The following SLC10A7 variants were observed in gnomAD, a reference collection of about 807,000 sequenced individuals.
SLC10A7 encodes the protein solute carrier family 10 member 7.
SLC10A7 carries 29 observed loss-of-function variants against 43.2 expected under a neutral mutation model. The ratio of observed to expected loss-of-function variants is 0.67; its 90% confidence interval spans 0.50 to 0.92. The LOEUF is 0.92. SLC10A7 is among the 40% of genes least tolerant of loss of function. SLC10A7 has a pLI of 0.00. For synonymous variants in SLC10A7, 152 were observed against 144.8 expected (o/e 1.05, Z -0.35); for missense variants, 295 against 403.2 (o/e 0.73, Z 2.30).
At chr4:146,463,416 T>C (rs1463111399) in intron 4 of SLC10A7, among the ~76,000 whole-genome samples, 1 of 152,138 alleles carries the variant, frequency 6.6e-6, no homozygotes, top group Admixed American at 6.6e-5. Flanking sequence ...CAAATGTCCA[T>C]ACGTGCCCCT....
At chr4:146,270,603 C>T (rs983947459) in intron 10 of SLC10A7, among the ~76,000 whole-genome samples, 9 of 152,128 alleles carry the variant, frequency 5.9e-5, no homozygotes, top group Admixed American at 2.0e-4. Context: ...ATCACTAGTA[C>T]GGCACAGCTC....
chr4:146,323,299 A>T (rs1208815214), intron 6 of SLC10A7, among the ~76,000 whole-genome samples: 3 of 152,200 alleles, frequency 2.0e-5, no homozygotes, highest in Admixed American at 2.0e-4. Flanking sequence ...GTCCTTGCCC[A>T]TGCCTATGTT....
intron 5 of SLC10A7, among the ~76,000 whole-genome samples, chr4:146,335,251 T>TAAAAAAAAAAAA (rs34522588): frequency 1.1e-5 from 1 of 92,640 alleles, no homozygotes; most frequent in South Asian, 4.3e-4. Context: ...ACAGATGTTG[T>TAAAAAAAAAAAA]AAAAAAAAAA....
intron 5 of SLC10A7, among the ~76,000 whole-genome samples, chr4:146,403,327 A>T (rs932345362): frequency 4.6e-5 from 7 of 152,202 alleles, no homozygotes; most frequent in Non-Finnish European, 1.5e-5. Flanking sequence ...TGATGAAAAC[A>T]GTATAAATCC....
At chr4:146,354,572 C>T (rs1735420120) in intron 5 of SLC10A7, among the ~76,000 whole-genome samples, 1 of 148,134 alleles carries the variant, frequency 6.8e-6, no homozygotes. Context: ...AAAGAGCCCG[C>T]ATCGCCAAGT....
intron 4 of SLC10A7, among the ~76,000 whole-genome samples, chr4:146,468,336 C>T (rs1484214446): frequency 2.0e-5 from 3 of 151,916 alleles, no homozygotes; most frequent in Admixed American, 2.0e-4. Flanking sequence ...AATCCAGAAA[C>T]AGAGATATAA....
At chr4:146,413,447 C>T (rs2679161) in intron 5 of SLC10A7, among the ~76,000 whole-genome samples, 39,659 of 151,862 alleles carry the variant, frequency 0.26, 5,903 homozygotes, top group African/African-American at 0.41. Context: ...AAGGGACCTA[C>T]CAACATAGAC....
Position 146,510,403 on chromosome 4 carries a change from G to C in SLC10A7, c.184-354C>G, listed in dbSNP as rs202014584. On this transcript the variant is annotated intron_variant, in intron 2 of 11. Transcript: ENST00000335472. ...GCCTCCTGAGTAGTTTGGACTACAG[G>C]TGCCTGCCACCACCATGCCCTCCTA... 3.9e-5 allele frequency among the ~76,000 whole-genome samples: 6 copies of C among 152,078 alleles called. No homozygotes were observed. The East Asian group carries it at 9.7e-4, about 25-fold the overall frequency.
rs145423488 is a variant in SLC10A7, at chr4:146,419,039, G to A, written c.435+23744C>T. On this transcript the variant is annotated intron_variant, in intron 5 of 11. Coordinates refer to ENST00000335472, the MANE Select transcript of SLC10A7 (RefSeq NM_001029998.6). ...AGATATGCATAAGGCAAGGCATGTG[G>A]GAAGGGGCACGGAGCTTCCATGCCC... Among the ~76,000 whole-genome samples the A allele has an allele frequency of 3.9e-5, 6 of 152,364 alleles. No homozygotes were observed. In the East Asian group the frequency reaches 1.2e-3, roughly 29 times the overall value.
At chr4:146,329,148 G>A (rs1733360404) in intron 5 of SLC10A7, among the ~76,000 whole-genome samples, 1 of 152,140 alleles carries the variant, frequency 6.6e-6, no homozygotes, top group African/African-American at 2.4e-5. Context: ...TCCCAAAATA[G>A]TAAAAGTTTC....
chr4:146,326,973 AAGAGAG>A (rs33979046), intron 5 of SLC10A7, among the ~76,000 whole-genome samples: 226 of 149,332 alleles, frequency 1.5e-3, no homozygotes, highest in African/African-American at 4.6e-3. Flanking sequence ...CACACAGAAA[AAGAGAG>A]AGAGAGAGAG....
intron 4 of SLC10A7, among the ~76,000 whole-genome samples, chr4:146,476,152 G>T (rs1734007619): frequency 6.6e-6 from 1 of 152,144 alleles, no homozygotes; most frequent in African/African-American, 2.4e-5. Flanking sequence ...AATGTAAAAA[G>T]AAATCTATGA....
intron 6 of SLC10A7, among the ~76,000 whole-genome samples, chr4:146,310,838 A>G (rs1731925656): frequency 6.6e-6 from 1 of 152,024 alleles, no homozygotes; most frequent in Admixed American, 6.6e-5. Context: ...CCTCACACTT[A>G]ACTCTTTACA....
intron 5 of SLC10A7, among the ~76,000 whole-genome samples, chr4:146,356,014 A>C (rs1735577923): frequency 7.1e-6 from 1 of 141,024 alleles, no homozygotes; most frequent in Non-Finnish European, 1.5e-5. Flanking sequence ...CAATGTGCAC[A>C]TGTACCCTAA....
At chr4:146,267,534 T>C (rs1161624504) in intron 10 of SLC10A7, among the ~76,000 whole-genome samples, 3 of 152,236 alleles carry the variant, frequency 2.0e-5, no homozygotes. Flanking sequence ...CATGGTATTT[T>C]AACATGCAGA....
At chr4:146,333,614 T>C (rs1170145968) in intron 5 of SLC10A7, among the ~76,000 whole-genome samples, 4 of 151,912 alleles carry the variant, frequency 2.6e-5, no homozygotes, top group Admixed American at 6.6e-5. Flanking sequence ...GAAGAACATA[T>C]AGAAACTGAA....
At chr4:146,347,080 A>G (rs1734675382) in intron 5 of SLC10A7, among the ~76,000 whole-genome samples, 1 of 152,132 alleles carries the variant, frequency 6.6e-6, no homozygotes, top group Non-Finnish European at 1.5e-5. Flanking sequence ...CATCTAAACT[A>G]AGACCCAAAT....
At chr4:146,466,022 G>T (rs1732993594) in intron 4 of SLC10A7, among the ~76,000 whole-genome samples, 1 of 151,992 alleles carries the variant, frequency 6.6e-6, no homozygotes, top group Admixed American at 6.6e-5. Context: ...TCTTAAAGTT[G>T]AAAGAAGTTT....
chr4:146,286,816 CTGTTTGGAGT>C (rs1730016453), intron 9 of SLC10A7, among the ~76,000 whole-genome samples: 2 of 10,392 alleles, frequency 1.9e-4, no homozygotes, highest in Admixed American at 1.4e-3. Flanking sequence ...GTGAGAAGGA[CTGTTTGGAGT>C]GATGAGAAGG....
Sources: gnomAD v4.1 joint callset for allele counts (sites outside exome capture counted in the v4.1 genomes callset) on GRCh38, gnomAD v4.1.1 for gene constraint, MANE v1.5 for transcripts, NCBI Gene and HGNC (gene_info 2026-07-23, HGNC 2026-07-21) for gene names.